MIS18BP1: variants seen among roughly 807,000 people sequenced by gnomAD.
MIS18BP1 encodes the protein MIS18 binding protein 1, also known as mis18-binding protein 1.
In MIS18BP1, 72 loss-of-function variants were observed where a neutral mutation model predicts 116.1. That is an observed-to-expected ratio of 0.62 (90% confidence interval 0.51 to 0.75). The LOEUF (loss-of-function observed/expected upper bound fraction) is 0.75, where lower values mean the gene tolerates loss of function less well. MIS18BP1 is among the 30% of genes least tolerant of loss of function. MIS18BP1 has a pLI of 0.00. For missense variants in MIS18BP1, 1,363 were observed against 1,303.2 expected (o/e 1.05, Z -0.71); for synonymous variants, 386 against 427.0 (o/e 0.90, Z 1.18).
chr14:45,210,883 TG>T (rs1462498813), intron 13 of MIS18BP1, among the ~76,000 whole-genome samples: 1 of 152,184 alleles, frequency 6.6e-6, no homozygotes, highest in African/African-American at 2.4e-5. Flanking sequence ...ACCCTGGGTC[TG>T]GGGGGATAAC....
At position 45,231,135 on chromosome 14, in the gene MIS18BP1, A is replaced by G; in HGVS notation, c.1594+6T>C. The G allele has an allele frequency of 6.2e-7, 1 of 1,610,878 alleles. No individual in the cohort carries two copies. The highest frequency in any genetic ancestry group is 8.5e-7 in the Non-Finnish European group (1 of 1,178,884). On this transcript the variant is annotated splice_donor_region_variant and intron_variant, in intron 8 of 16. Transcript: ENST00000310806. ...GTACCAACAGAGAAGTAAAGACAAA[A>G]CATACCCAAATTATCACAATCAAAA...
chr14:45,218,365 C>T lies in MIS18BP1; in HGVS notation c.2759G>A (p.Arg920Lys). The T allele has an allele frequency of 6.2e-7, 1 of 1,613,986 alleles. No individual in the cohort carries two copies. The highest frequency in any genetic ancestry group is 1.1e-5 in the South Asian group (1 of 91,068). ...VGSRSPEECQ[R>K]KYMENPRGKG... ...TCCTCTGGGATTTTCCATGTATTTC[C>T]TCTGGCATTCTTCAGGAGATCGAGA... is the stretch of plus-strand genomic sequence containing the variant. Residue 920 changes from arginine (R) to lysine (K), a missense_variant, in exon 12 of 17, where the codon AGG (arginine) becomes AAG (lysine). By Grantham distance (26) the Arg-to-Lys change is conservative. Coordinates refer to ENST00000310806, the MANE Select transcript of MIS18BP1 (RefSeq NM_018353.5).
intron 14 of MIS18BP1, chr14:45,206,379 T>C (rs951189152): frequency 2.3e-5 from 10 of 436,850 alleles, no homozygotes; most frequent in Admixed American, 3.8e-5. Context: ...CTCAACCTCC[T>C]GGGCTCAAGT....
intron 2 of MIS18BP1, among the ~76,000 whole-genome samples, chr14:45,245,920 AAATCTTAGTT>A (rs1891710829): frequency 6.6e-6 from 1 of 152,194 alleles, no homozygotes; most frequent in South Asian, 2.1e-4. Context: ...TAACATAACA[AAATCTTAGTT>A]AATGAGCCCG....
At chr14:45,227,413 A>C (rs1006441492) in intron 9 of MIS18BP1, among the ~76,000 whole-genome samples, 1 of 152,008 alleles carries the variant, frequency 6.6e-6, no homozygotes, top group Non-Finnish European at 1.5e-5. Flanking sequence ...AAGCTGAGGC[A>C]GGAGAATCAC....
At chr14:45,215,160 G>C (rs1461695652) in intron 13 of MIS18BP1, among the ~76,000 whole-genome samples, 1 of 152,202 alleles carries the variant, frequency 6.6e-6, no homozygotes, top group African/African-American at 2.4e-5. Context: ...ATAGCGTTTT[G>C]AAGAAAACAT....
chr14:45,224,531 A>C lies in MIS18BP1; in HGVS notation c.2056T>G (p.Cys686Gly). ...KAVTDFVIPE[C>G]QKKSPISKSM... ...TTGCTGATGGGACTTTTTTTTTGAC[A>C]CTCTGGTATTACAAAATCTGTTACT... is the stretch of plus-strand genomic sequence containing the variant. Residue 686 changes from cysteine (C) to glycine (G), a missense_variant, in exon 11 of 17, where the codon TGT becomes GGT. Physicochemically the swap from Cys to Gly is radical, Grantham distance 159. Transcript: ENST00000310806. The C allele has an allele frequency of 6.2e-7, 1 of 1,611,044 alleles. No individual in the cohort carries two copies. The highest frequency in any genetic ancestry group is 8.5e-7 in the Non-Finnish European group (1 of 1,179,238).
chr14:45,239,642 C>T (rs539835529), intron 4 of MIS18BP1, among the ~76,000 whole-genome samples: 6 of 152,150 alleles, frequency 3.9e-5, no homozygotes, highest in Admixed American at 2.6e-4. Context: ...CTGAACAGAA[C>T]GACAAAATTT....
chr14:45,242,733 A>C, intron 3 of MIS18BP1, 28 bp downstream of exon 3: 1 of 1,566,388 alleles, frequency 6.4e-7, no homozygotes, highest in Non-Finnish European at 8.7e-7. Context: ...TTAAGTAACA[A>C]ACTGAAAACA....
Position 45,242,785 on chromosome 14 carries a change from C to T in MIS18BP1, c.634G>A (p.Ala212Thr), listed in dbSNP as rs138267500. 1.7e-3 allele frequency: 2,787 copies of T among 1,612,686 alleles called. 38 individuals are homozygous for T. In the Admixed American group the frequency reaches 0.029, roughly 17 times the overall value. Residue 212 changes from alanine (A) to threonine (T), a missense_variant, in exon 3 of 17, where the codon GCA becomes ACA. By Grantham distance (58) the Ala-to-Thr change is moderately conservative. Transcript: ENST00000310806. ...CCGTAAGTTAAATTGTGCAGTGGTG[C>T]TTTCTTTTCCTGCTGGCACTGAATC... ...QKIQCQQEKK[A>T]PLHNLTYELP... is the part of the protein sequence containing the mutation.
intron 8 of MIS18BP1, 108 bp from the exon 9 acceptor site, chr14:45,227,922 A>C: frequency 9.0e-7 from 1 of 1,116,022 alleles, no homozygotes; most frequent in Non-Finnish European, 1.3e-6. Context: ...CACGCCTGTA[A>C]TCCCAGCACT....
chr14:45,240,892 A>C (rs1162331267), intron 4 of MIS18BP1, among the ~76,000 whole-genome samples: 1 of 151,930 alleles, frequency 6.6e-6, no homozygotes, highest in Non-Finnish European at 1.5e-5. Context: ...ACAGAGTGAG[A>C]CTCTGTCTCC....
At chr14:45,219,410 A>C (rs1206753649) in intron 11 of MIS18BP1, among the ~76,000 whole-genome samples, 1 of 152,194 alleles carries the variant, frequency 6.6e-6, no homozygotes, top group Non-Finnish European at 1.5e-5. Flanking sequence ...CATGTCACTG[A>C]CTGTGGAGTT....
At chr14:45,250,617 G>GCA (rs1891843378) in intron 1 of MIS18BP1, among the ~76,000 whole-genome samples, 1 of 152,126 alleles carries the variant, frequency 6.6e-6, no homozygotes, top group Non-Finnish European at 1.5e-5. Flanking sequence ...AAAGTTGTTT[G>GCA]GAAAAATCTA....
At chr14:45,247,916 C>T (rs974659870) in intron 1 of MIS18BP1, among the ~76,000 whole-genome samples, 2 of 151,816 alleles carry the variant, frequency 1.3e-5, no homozygotes, top group Non-Finnish European at 2.9e-5. Context: ...AGAGCATTTA[C>T]ATTTTAAGGT....
Position 45,242,487 on chromosome 14 carries a change from A to T in MIS18BP1, c.690T>A (p.Asn230Lys). 2 of 1,595,770 alleles carry T rather than the reference A, an allele frequency of 1.3e-6. No individual in the cohort carries two copies. Among genetic ancestry groups the T allele is most frequent in the East Asian group, 4.5e-5 (2 of 44,794 alleles). Residue 230 changes from asparagine (N) to lysine (K), a missense_variant, in exon 4 of 17, where the codon AAT becomes AAA. Physicochemically the swap from Asn to Lys is moderately conservative, Grantham distance 94. Coordinates refer to ENST00000310806, the MANE Select transcript of MIS18BP1 (RefSeq NM_018353.5). ...ELPTLNQEQE[N>K]FLAVEARNKT... is the part of the protein sequence containing the mutation. ...TGTTTCGGGCTTCTACAGCCAAAAA[A>T]TTTTCCTGTTCTTGGTTCAGAGTTG...
chr14:45,217,422 T>TA (rs936190578), intron 12 of MIS18BP1, among the ~76,000 whole-genome samples: 2 of 151,930 alleles, frequency 1.3e-5, no homozygotes, highest in African/African-American at 4.8e-5. Flanking sequence ...ACCCCATCTC[T>TA]AAAAAAATAC....
chr14:45,217,485 T>G (rs1307079855), intron 12 of MIS18BP1, among the ~76,000 whole-genome samples: 1 of 152,112 alleles, frequency 6.6e-6, no homozygotes, highest in Non-Finnish European at 1.5e-5. Context: ...ATTTTACAAG[T>G]CTCCTATAGA....
chr14:45,252,932 A>G (rs760763884), intron 1 of MIS18BP1, 103 bp downstream of exon 1: 1 of 152,296 alleles, frequency 6.6e-6, no homozygotes, highest in East Asian at 1.9e-4. Flanking sequence ...ATCTACAAAA[A>G]AAATAAATAA....
Sources: gnomAD v4.1 joint callset for allele counts (sites outside exome capture counted in the v4.1 genomes callset) on GRCh38, gnomAD v4.1.1 for gene constraint, MANE v1.5 for transcripts, NCBI Gene and HGNC (gene_info 2026-07-23, HGNC 2026-07-21) for gene names.